The following CNOT10 variants were observed in gnomAD, a reference collection of about 807,000 sequenced individuals.
CNOT10 encodes the protein CCR4-NOT transcription complex, subunit 10.
A neutral mutation model predicts 94.6 loss-of-function variants in CNOT10; 30 were observed. That is an observed-to-expected ratio of 0.32 (90% CI 0.24 to 0.43). The LOEUF (loss-of-function observed/expected upper bound fraction) is 0.43. Among genes scored for constraint, CNOT10 ranks in the 20% least tolerant of loss-of-function variants. The pLI is 1.00. For synonymous variants in CNOT10, 289 were observed against 301.6 expected (o/e 0.96, Z 0.43); for missense variants, 759 against 877.2 (o/e 0.87, Z 1.70).
rs772756422 is a variant in CNOT10 at position 32,708,666 on chromosome 3, A to G, written c.280-4A>G. The stretch of plus-strand genomic sequence containing the variant: ...AAATATAACCTCTGTTGATTGCTTT[A>G]TAGGTCCACTCAGCTGTTGAAGAAA... On this transcript the variant is annotated splice_region_variant and splice_polypyrimidine_tract_variant and intron_variant, in intron 3 of 18. Coordinates refer to ENST00000328834, the MANE Select transcript of CNOT10 (RefSeq NM_015442.3). 2.5e-6 allele frequency: 4 copies of G among 1,607,742 alleles called. No individual in the cohort carries two copies. The highest frequency in any genetic ancestry group is 2.2e-5 in the East Asian group (1 of 44,728).
At chr3:32,734,745 A>C (rs1699102297) in intron 11 of CNOT10, 55 bp from the exon 12 acceptor site, 1 of 1,367,108 alleles carries the variant, frequency 7.3e-7, no homozygotes, top group Non-Finnish European at 1.0e-6. Context: ...ATAATAAAAG[A>C]GCCTTATTTT....
At chr3:32,769,769 G>A (rs187055602) in intron 17 of CNOT10, 118 bp from the exon 18 acceptor site, 2 of 756,186 alleles carry the variant, frequency 2.6e-6, no homozygotes, top group East Asian at 2.5e-5. Flanking sequence ...GTAGTCCCTA[G>A]GAAGTCACGT....
Position 32,762,821 on chromosome 3 carries a change from A to T in CNOT10, c.1798A>T (p.Thr600Ser). Residue 600 changes from threonine to serine, a missense_variant, in exon 15 of 19, where the codon ACT becomes TCT. Physicochemically the swap from Thr to Ser is moderately conservative, Grantham distance 58. This residue lies in a region of CNOT10 where 682 missense variants were observed against 799.4 expected (regional missense o/e 0.85). Transcript: ENST00000328834. ...TACTCACTTGAACCCGGAGAATGTC[A>T]CTGATGTCTCCTTAGGGATCTCTTC... ...AITHLNPENV[T>S]DVSLGISSNE... 1.9e-6 allele frequency: 3 copies of T among 1,585,690 alleles called. No individual in the cohort carries two copies. Among genetic ancestry groups the T allele is most frequent in the Non-Finnish European group, 2.6e-6 (3 of 1,171,682 alleles).
At chr3:32,732,314 C>G (rs995196069) in intron 10 of CNOT10, among the ~76,000 whole-genome samples, 2 of 151,566 alleles carry the variant, frequency 1.3e-5, no homozygotes, top group African/African-American at 4.9e-5. Context: ...CACTGGAACT[C>G]AGGAGGTGAA....
chr3:32,771,371 C>T (rs1259638068), intron 18 of CNOT10, among the ~76,000 whole-genome samples: 3 of 152,038 alleles, frequency 2.0e-5, no homozygotes, highest in Non-Finnish European at 2.9e-5. Flanking sequence ...GAGGCCGACA[C>T]GGGTGGATCA....
At chr3:32,706,726 C>G (rs1158001068) in intron 3 of CNOT10, among the ~76,000 whole-genome samples, 2 of 152,222 alleles carry the variant, frequency 1.3e-5, no homozygotes, top group Non-Finnish European at 2.9e-5. Context: ...CTAAACTCTT[C>G]TTAACTCAGT....
intron 8 of CNOT10, among the ~76,000 whole-genome samples, chr3:32,720,877 T>C (rs896307128): frequency 0.01 from 1,086 of 108,030 alleles, 4 homozygotes; most frequent in East Asian, 0.031. Context: ...TCCTTCCTTC[T>C]TTCTTTTCCT....
At chr3:32,687,411 A>G (rs1181125845) in intron 1 of CNOT10, among the ~76,000 whole-genome samples, 4 of 58,970 alleles carry the variant, frequency 6.8e-5, no homozygotes, top group Non-Finnish European at 1.1e-4. Context: ...TTTTTATTGT[A>G]TTTTCTTTCT....
chr3:32,764,433 A>T (rs1700580898), intron 15 of CNOT10, 22 bp from the exon 16 acceptor site: 4 of 1,613,014 alleles, frequency 2.5e-6, no homozygotes, highest in Non-Finnish European at 8.5e-7. Flanking sequence ...TGCCCCTCAG[A>T]TTTATTTTCG....
At chr3:32,763,604 C>T (rs1017235080) in intron 15 of CNOT10, among the ~76,000 whole-genome samples, 1 of 151,460 alleles carries the variant, frequency 6.6e-6, no homozygotes. Context: ...GAGCCAAGAT[C>T]ACGCCACTGC....
At chr3:32,751,165 A>G (rs1393397763) in intron 13 of CNOT10, among the ~76,000 whole-genome samples, 2 of 152,190 alleles carry the variant, frequency 1.3e-5, no homozygotes, top group East Asian at 1.9e-4. Context: ...CAGTGGCACA[A>G]TCTTGGCTCA....
At chr3:32,723,446 A>G (rs960224316) in intron 8 of CNOT10, among the ~76,000 whole-genome samples, 7 of 152,136 alleles carry the variant, frequency 4.6e-5, no homozygotes, top group African/African-American at 1.7e-4. Context: ...TCATTACGCC[A>G]AAATAAAATT....
Position 32,759,486 on chromosome 3 carries a change from G to A in CNOT10, c.1624G>A (p.Val542Met), listed in dbSNP as rs769062745. The part of the protein sequence containing the change: ...KCSILACSAY[V>M]ALALGDNLMA... The stretch of plus-strand genomic sequence containing the variant: ...CTCCATACTTGCTTGCAGTGCCTAC[G>A]TGGCTCTGGCTTTGGGTGATAACCT... Residue 542 changes from valine to methionine, a missense_variant, in exon 14 of 19, where the codon GTG becomes ATG. Around this residue, in one of 3 missense-constraint regions of CNOT10, gnomAD observed 682 missense variants for 799.4 expected, o/e 0.85. Coordinates refer to ENST00000328834, the MANE Select transcript of CNOT10 (RefSeq NM_015442.3). 8.1e-6 allele frequency: 13 copies of A among 1,613,902 alleles called. No individual in the cohort carries two copies. The highest frequency in any genetic ancestry group is 1.7e-4 in the Middle Eastern group (1 of 6,060).
chr3:32,711,887 G>A (rs1697905187), intron 4 of CNOT10, among the ~76,000 whole-genome samples: 2 of 152,144 alleles, frequency 1.3e-5, no homozygotes, highest in South Asian at 4.1e-4. Flanking sequence ...AGATTCCCTT[G>A]GAGATATATG....
chr3:32,685,784 T>C (rs1264352900), intron 1 of CNOT10, among the ~76,000 whole-genome samples: 1 of 152,136 alleles, frequency 6.6e-6, no homozygotes, highest in Non-Finnish European at 1.5e-5. Flanking sequence ...AATTTTCCGC[T>C]TCTTCGTGGG....
intron 4 of CNOT10, 52 bp from the exon 5 acceptor site, chr3:32,713,175 T>A (rs548890780): frequency 6.9e-7 from 1 of 1,453,934 alleles, no homozygotes; most frequent in East Asian, 2.4e-5. Context: ...GTCTGAAATG[T>A]GTGCTTTACT....
intron 8 of CNOT10, 118 bp downstream of exon 8, chr3:32,720,349 T>A: frequency 2.1e-6 from 1 of 467,362 alleles, no homozygotes; most frequent in Non-Finnish European, 3.8e-6. Flanking sequence ...TTAATGAAAA[T>A]GTTTTAATAT....
chr3:32,696,712 C>T (rs1697086832), intron 1 of CNOT10, among the ~76,000 whole-genome samples: 1 of 152,028 alleles, frequency 6.6e-6, no homozygotes, highest in African/African-American at 2.4e-5. Flanking sequence ...GATCCTCCCT[C>T]CTCAGCCTCC....
chr3:32,715,772 A>G (rs553812996), intron 5 of CNOT10, among the ~76,000 whole-genome samples: 1 of 152,254 alleles, frequency 6.6e-6, no homozygotes, highest in Non-Finnish European at 1.5e-5. Flanking sequence ...ACTCTAGACT[A>G]CTGAACCTCA....
Sources: allele counts gnomAD v4.1 joint callset (sites outside exome capture counted in the v4.1 genomes callset), GRCh38; gene constraint gnomAD v4.1.1; regional missense constraint gnomAD v4.1.1; transcripts MANE v1.5; gene names NCBI Gene and HGNC (gene_info 2026-07-23, HGNC 2026-07-21).